CLIC5: variants seen among roughly 807,000 people sequenced by gnomAD.
The protein encoded by CLIC5 is chloride intracellular channel protein 5.
Under a neutral mutation model 24.7 loss-of-function variants are expected in CLIC5, and 20 were observed. The observed-to-expected ratio is 0.81, with a 90% CI of 0.57 to 1.18. CLIC5 has a LOEUF of 1.18. Among genes scored for constraint, CLIC5 ranks in the 50% most tolerant of loss-of-function variants. The pLI is 0.00. For synonymous variants in CLIC5, 159 were observed against 135.6 expected (o/e 1.17, Z -1.20); for missense variants, 341 against 326.1 (o/e 1.05, Z -0.35).
Position 45,925,724 on chromosome 6 carries a change from A to G in CLIC5, c.407-11315T>C, listed in dbSNP as rs138205651. On this transcript the variant is annotated intron_variant, in intron 4 of 5. Coordinates refer to ENST00000339561, the MANE Select transcript of CLIC5 (RefSeq NM_016929.5). ...GTTTGAGGAAAGATGAAGGACCCTA[A>G]AATCATGTGACTCTATTTATATACT... Among the ~76,000 whole-genome samples the G allele has an allele frequency of 1.4e-3, 209 of 152,338 alleles. 1 individual carries two copies. The highest frequency in any genetic ancestry group is 4.8e-3 in the African/African-American group (200 of 41,574).
In CLIC5 at chr6:46,005,230, C is replaced by A. The variant is rs1766507852; in HGVS notation, c.63+10250G>T. ...GGACTCCATTCACTGCACATCCTCC[C>A]CTCCTTCCCCTTTTGTGTTATTTCT... On this transcript the variant is annotated intron_variant, in intron 1 of 5. Coordinates refer to ENST00000339561, the MANE Select transcript of CLIC5 (RefSeq NM_016929.5). 2.0e-5 allele frequency among the ~76,000 whole-genome samples: 3 copies of A among 152,222 alleles called. No homozygotes were observed. The South Asian group carries it at 6.2e-4, about 32-fold the overall frequency.
intron 1 of CLIC5, among the ~76,000 whole-genome samples, chr6:46,028,515 A>T (rs550839359): frequency 6.6e-6 from 1 of 152,364 alleles, no homozygotes; most frequent in African/African-American, 2.4e-5. Flanking sequence ...AATACTGTAC[A>T]TGCATGATTA....
chr6:45,945,681 A>T (rs1052214782), intron 3 of CLIC5, among the ~76,000 whole-genome samples: 1 of 152,134 alleles, frequency 6.6e-6, no homozygotes, highest in African/African-American at 2.4e-5. Context: ...TTTGAACCCG[A>T]GTCACTCTGA....
At chr6:46,093,522 G>A in the CLIC5 span, among the ~76,000 whole-genome samples, 2 of 152,158 alleles carry the variant, frequency 1.3e-5, no homozygotes, top group African/African-American at 4.8e-5. Context: ...CATGGCAGGT[G>A]TTAACTCACA....
chr6:45,933,176 A>G (rs556116905), intron 4 of CLIC5, among the ~76,000 whole-genome samples: 193 of 152,276 alleles, frequency 1.3e-3, no homozygotes, highest in Middle Eastern at 3.4e-3. Flanking sequence ...AACAGAACCA[A>G]GACTGCTCAG....
intron 1 of CLIC5, among the ~76,000 whole-genome samples, chr6:45,995,777 A>G (rs1766112598): frequency 6.6e-6 from 1 of 152,220 alleles, no homozygotes; most frequent in African/African-American, 2.4e-5. Flanking sequence ...ATGGAATACT[A>G]TGCAGCCATA....
intron 3 of CLIC5, among the ~76,000 whole-genome samples, chr6:45,947,291 G>A (rs374372441): frequency 1.4e-4 from 22 of 152,282 alleles, no homozygotes; most frequent in African/African-American, 3.8e-4. Flanking sequence ...GTGTGGTAGT[G>A]GTGAGGGAAC....
At chr6:45,910,715 C>A (rs1037353813) in intron 5 of CLIC5, among the ~76,000 whole-genome samples, 1 of 152,178 alleles carries the variant, frequency 6.6e-6, no homozygotes. Flanking sequence ...TGTCTCCAAA[C>A]CTACTCTTCT....
chr6:46,013,433 A>G (rs1225005668), intron 1 of CLIC5, among the ~76,000 whole-genome samples: 2 of 152,246 alleles, frequency 1.3e-5, no homozygotes, highest in African/African-American at 4.8e-5. Flanking sequence ...TTACTTGTAA[A>G]TGAGAACTGC....
At chr6:45,889,079 C>T (rs932113610) in intron 6 of CLIC5, among the ~76,000 whole-genome samples, 4 of 152,038 alleles carry the variant, frequency 2.6e-5, no homozygotes, top group African/African-American at 4.8e-5. Context: ...ATGAAAGATC[C>T]GTCAGTCTGT....
intron 4 of CLIC5, among the ~76,000 whole-genome samples, chr6:45,933,444 C>A (rs1303016790): frequency 6.6e-6 from 1 of 152,182 alleles, no homozygotes; most frequent in Non-Finnish European, 1.5e-5. Flanking sequence ...ATCTGATTTT[C>A]AGTTTGGAAA....
At position 45,898,940 on chromosome 6, in the gene CLIC5, T is replaced by G. The variant is rs1295984383; in HGVS notation, c.*4148A>C. ...ATAGAAACACAGAATAGCCCAAACC[T>G]TATATTGAGGCAACGTATTTTATTT... is the stretch of plus-strand genomic sequence containing the variant. On this transcript the variant is annotated 3_prime_UTR_variant, in exon 6 of 6. Coordinates refer to ENST00000339561, the MANE Select transcript of CLIC5 (RefSeq NM_016929.5). 6.6e-6 allele frequency: 1 copy of G among 152,258 alleles called. No homozygotes were observed. The highest frequency in any genetic ancestry group is 6.5e-5 in the Admixed American group (1 of 15,280). 9.4% of individuals were successfully genotyped at this position (152,258 alleles called of 1,614,324 possible).
At chr6:46,129,154 C>G in the CLIC5 span, among the ~76,000 whole-genome samples, 2 of 152,142 alleles carry the variant, frequency 1.3e-5, no homozygotes, top group African/African-American at 4.8e-5. Flanking sequence ...CTTCTGGAGC[C>G]TGCATTTTAA....
chr6:46,058,335 T>A (rs1768318315), intron 1 of CLIC5, among the ~76,000 whole-genome samples: 1 of 152,210 alleles, frequency 6.6e-6, no homozygotes, highest in Non-Finnish European at 1.5e-5. Flanking sequence ...AGCACTTCAC[T>A]CTTCATGGCA....
chr6:45,996,120 T>TAAAA (rs59715080), intron 1 of CLIC5, among the ~76,000 whole-genome samples: 1 of 128,380 alleles, frequency 7.8e-6, no homozygotes, highest in African/African-American at 2.8e-5. Context: ...ACCTCAGAAC[T>TAAAA]AAAAAAAAAA....
intron 1 of CLIC5, among the ~76,000 whole-genome samples, chr6:46,049,924 G>A (rs1768057818): frequency 6.6e-6 from 1 of 152,190 alleles, no homozygotes; most frequent in Non-Finnish European, 1.5e-5. Flanking sequence ...TGTGTACTGT[G>A]AATCTGCAAG....
intron 4 of CLIC5, among the ~76,000 whole-genome samples, chr6:45,926,210 C>T (rs974310154): frequency 2.1e-5 from 3 of 142,330 alleles, no homozygotes; most frequent in Non-Finnish European, 1.5e-5. Context: ...CACACACACA[C>T]ATATATACAT....
At chr6:46,083,464 G>A (rs1762965394), upstream of CLIC5, among the ~76,000 whole-genome samples, 1 of 152,088 alleles carries the variant, frequency 6.6e-6, no homozygotes, top group African/African-American at 2.4e-5. Flanking sequence ...CAGAGATTCT[G>A]GTATGTTGTG....
At chr6:45,942,626 G>A (rs919708465) in intron 3 of CLIC5, among the ~76,000 whole-genome samples, 3 of 152,222 alleles carry the variant, frequency 2.0e-5, no homozygotes, top group South Asian at 2.1e-4. Context: ...GTTGCCTTAC[G>A]TTTAAAAAGC....
Sources: gnomAD v4.1 joint callset for allele counts (sites outside exome capture counted in the v4.1 genomes callset) on GRCh38, gnomAD v4.1.1 for gene constraint, MANE v1.5 for transcripts, NCBI Gene and HGNC (gene_info 2026-07-23, HGNC 2026-07-21) for gene names.